Variants in APOBEC2 observed in about 807,000 individuals in gnomAD.
The protein encoded by APOBEC2 is C->U-editing enzyme APOBEC-2.
APOBEC2 carries 14 observed loss-of-function variants against 19.4 expected under a neutral mutation model. That is an observed-to-expected ratio of 0.72 (90% CI 0.48 to 1.13). The LOEUF is 1.13. APOBEC2 is among the 50% of genes most tolerant of loss of function. APOBEC2 has a pLI of 0.00. For synonymous variants in APOBEC2, 127 were observed against 112.1 expected (o/e 1.13, Z -0.84); for missense variants, 304 against 277.0 (o/e 1.10, Z -0.69).
intron 2 of APOBEC2, among the ~76,000 whole-genome samples, chr6:41,063,446 G>A (rs1762904872): frequency 6.6e-6 from 1 of 151,002 alleles, no homozygotes; most frequent in Non-Finnish European, 1.5e-5. Context: ...AGACTAACCG[G>A]CAGCTTAAAA....
rs186223556 is a variant in APOBEC2 at position 41,064,881 on chromosome 6, T to G, written c.*802T>G. On this transcript the variant is annotated 3_prime_UTR_variant, in exon 3 of 3. Coordinates refer to ENST00000244669, the MANE Select transcript of APOBEC2 (RefSeq NM_006789.4). ...AAAGTATTCAATACATGGTGTTTGATGGTAATGGCAGGATGATGTCAAGTC... is the reference window on the plus strand; with the variant it reads ...AAAGTATTCAATACATGGTGTTTGAGGGTAATGGCAGGATGATGTCAAGTC... 1 of 152,012 alleles carries G rather than the reference T, an allele frequency of 6.6e-6. No homozygotes were observed. Among genetic ancestry groups the G allele is most frequent in the African/African-American group, 2.4e-5 (1 of 41,364 alleles). 9.4% of individuals were successfully genotyped at this position (152,012 alleles called of 1,614,324 possible).
At chr6:41,055,029 T>C (rs1300942293) in intron 1 of APOBEC2, among the ~76,000 whole-genome samples, 5 of 152,146 alleles carry the variant, frequency 3.3e-5, no homozygotes. Flanking sequence ...AATCACAACA[T>C]AGTTTCATGA....
intron 1 of APOBEC2, among the ~76,000 whole-genome samples, chr6:41,060,248 TTA>T (rs1394175804): frequency 1.3e-5 from 2 of 152,190 alleles, no homozygotes; most frequent in African/African-American, 4.8e-5. Context: ...ATCACCAAGT[TTA>T]GTGTCCTAAG....
chr6:41,061,156 C>CTTTTTTTT (rs35586672), intron 1 of APOBEC2, among the ~76,000 whole-genome samples, 172 bp from the exon 2 acceptor site: 14 of 105,654 alleles, frequency 1.3e-4, no homozygotes, highest in Admixed American at 2.0e-4. Flanking sequence ...TTTTTTAATG[C>CTTTTTTTT]TTTTTTTTTT....
rs1581991119 is a variant in APOBEC2 at position 41,061,486 on chromosome 6, C to T, written c.290C>T (p.Ala97Val). 2 of 1,613,864 alleles carry T rather than the reference C, an allele frequency of 1.2e-6. No homozygotes were observed. Among genetic ancestry groups the T allele is most frequent in the Non-Finnish European group, 1.7e-6 (2 of 1,179,830 alleles). The change falls in exon 2 of 3, where the codon GCC (alanine) becomes GTC (valine). Residue 97 changes from alanine (A) to valine (V), a missense_variant. Physicochemically the swap from Ala to Val is moderately conservative, Grantham distance 64. Coordinates refer to ENST00000244669, the MANE Select transcript of APOBEC2 (RefSeq NM_006789.4). ...TACCTAGAGGATGAGCATGCGGCTG[C>T]CCATGCAGAGGAAGCTTTCTTCAAC... Reference protein sequence around the residue: ...RGYLEDEHAAAHAEEAFFNTI... With the variant: ...RGYLEDEHAAVHAEEAFFNTI...
intron 2 of APOBEC2, among the ~76,000 whole-genome samples, chr6:41,062,968 G>A (rs1201143576): frequency 1.3e-5 from 2 of 152,112 alleles, no homozygotes; most frequent in African/African-American, 4.8e-5. Flanking sequence ...CTTTAATCCT[G>A]CAACAACTCA....
At chr6:41,054,830 C>T (rs1352843429) in intron 1 of APOBEC2, among the ~76,000 whole-genome samples, 1 of 152,202 alleles carries the variant, frequency 6.6e-6, no homozygotes, top group Non-Finnish European at 1.5e-5. Flanking sequence ...CTGGTATACG[C>T]TATCCTTAGT....
In APOBEC2 at chr6:41,061,352, T is replaced by C; in HGVS notation, c.156T>C (p.Phe52=). 6.5e-7 allele frequency: 1 copy of C among 1,530,974 alleles called. No homozygotes were observed. The highest frequency in any genetic ancestry group is 8.8e-7 in the Non-Finnish European group (1 of 1,140,468). The allele number at this position is 1,530,974 out of a possible 1,614,324, so 94.8% of individuals were successfully genotyped here. ...VTGERLPANF[F]KFQFRNVEYS... is the part of the protein sequence containing the mutation. ...GAGAACGGCTGCCTGCCAACTTCTT[T>C]AAATTCCAGTTCCGGAATGTGGAGT... The change falls in exon 2 of 3, where the codon TTT becomes TTC. Residue 52 remains phenylalanine, a synonymous_variant. Coordinates refer to ENST00000244669, the MANE Select transcript of APOBEC2 (RefSeq NM_006789.4).
intron 2 of APOBEC2, among the ~76,000 whole-genome samples, chr6:41,062,711 A>C (rs909667298): frequency 1.3e-5 from 2 of 152,236 alleles, no homozygotes; most frequent in African/African-American, 4.8e-5. Context: ...TAGCTATTTA[A>C]GCAAATAATT....
Position 41,055,528 on chromosome 6 carries a change from T to A in APOBEC2, c.131+2050T>A, listed in dbSNP as rs539691984. Among the ~76,000 whole-genome samples, 261 of 152,266 alleles carry A rather than the reference T, an allele frequency of 1.7e-3. 2 individuals carry two copies. The highest frequency in any genetic ancestry group is 5.5e-3 in the African/African-American group (230 of 41,562). ...ATGCATTCCCCCCAGGACTCCCTCCTGGAGTCAAGGGGGTCAGCAAAGCAG... is the reference window on the plus strand; with the variant it reads ...ATGCATTCCCCCCAGGACTCCCTCCAGGAGTCAAGGGGGTCAGCAAAGCAG... On this transcript the variant is annotated intron_variant, in intron 1 of 2. Coordinates refer to ENST00000244669, the MANE Select transcript of APOBEC2 (RefSeq NM_006789.4).
chr6:41,063,764 TAA>T (rs1261676506), intron 2 of APOBEC2, among the ~76,000 whole-genome samples: 1 of 149,512 alleles, frequency 6.7e-6, no homozygotes, highest in Non-Finnish European at 1.5e-5. Context: ...ATTTGTTAAA[TAA>T]AGTGTCTTAT....
chr6:41,054,119 A>G (rs924243886), intron 1 of APOBEC2, among the ~76,000 whole-genome samples: 1 of 152,204 alleles, frequency 6.6e-6, no homozygotes, highest in African/African-American at 2.4e-5. Flanking sequence ...CTGTTCCAAC[A>G]TGCTCAGGCA....
At chr6:41,057,210 AGAG>A (rs547226154) in intron 1 of APOBEC2, among the ~76,000 whole-genome samples, 3 of 152,198 alleles carry the variant, frequency 2.0e-5, no homozygotes, top group African/African-American at 4.8e-5. Context: ...GGCAGTGTCC[AGAG>A]GAGAAGGGTG....
intron 1 of APOBEC2, among the ~76,000 whole-genome samples, chr6:41,054,210 T>G (rs1440819976): frequency 1.3e-5 from 2 of 152,234 alleles, no homozygotes; most frequent in African/African-American, 4.8e-5. Context: ...CTCTGTCTTA[T>G]CCAGATTATG....
chr6:41,054,278 T>G (rs771354192), intron 1 of APOBEC2, among the ~76,000 whole-genome samples: 6 of 152,202 alleles, frequency 3.9e-5, no homozygotes, highest in African/African-American at 1.4e-4. Context: ...ATTCCTGTAG[T>G]GGAAGACCCT....
At chr6:41,062,387 G>A (rs1384680489) in intron 2 of APOBEC2, among the ~76,000 whole-genome samples, 3 of 152,046 alleles carry the variant, frequency 2.0e-5, no homozygotes, top group Admixed American at 1.3e-4. Flanking sequence ...TTCACTTATG[G>A]TAATTTTGAA....
rs185822343 is a variant in APOBEC2 at position 41,063,336 on chromosome 6, G to A, written c.*22-765G>A. 5.0e-3 allele frequency among the ~76,000 whole-genome samples: 760 copies of A among 152,190 alleles called. 7 individuals are homozygous for A. Among genetic ancestry groups the A allele is most frequent in the Non-Finnish European group, 8.6e-3 (586 of 68,008 alleles). ...ACAGTAGTCAAAACAGATTTCTGAG[G>A]GTGCCCTCTGAGAATATAAAATTTA... On this transcript the variant is annotated intron_variant, in intron 2 of 2. Transcript: ENST00000244669.
At chr6:41,055,771 G>A (rs1412847436) in intron 1 of APOBEC2, among the ~76,000 whole-genome samples, 1 of 152,208 alleles carries the variant, frequency 6.6e-6, no homozygotes, top group African/African-American at 2.4e-5. Flanking sequence ...ATGGTAGAAT[G>A]TTCTGGAAAA....
chr6:41,055,801 C>T (rs908001923), intron 1 of APOBEC2, among the ~76,000 whole-genome samples: 1 of 152,216 alleles, frequency 6.6e-6, no homozygotes, highest in Non-Finnish European at 1.5e-5. Context: ...CCTGCCGTAG[C>T]GTGCTGAAGC....
Sources: allele counts gnomAD v4.1 joint callset (sites outside exome capture counted in the v4.1 genomes callset), GRCh38; gene constraint gnomAD v4.1.1; transcripts MANE v1.5; gene names NCBI Gene and HGNC (gene_info 2026-07-23, HGNC 2026-07-21).